The following SOX5 variants were observed in gnomAD, a reference collection of about 807,000 sequenced individuals.
The protein encoded by SOX5 is SRY-box transcription factor 5.
SOX5 carries 9 observed loss-of-function variants against 92.0 expected under a neutral mutation model. The observed-to-expected ratio is 0.10, with a 90% CI of 0.06 to 0.17. The LOEUF is 0.17. SOX5 is among the 10% of genes least tolerant of loss of function. SOX5 has a pLI of 1.00. For synonymous variants in SOX5, 344 were observed against 336.3 expected, an observed-to-expected ratio of 1.02 and a Z score of -0.25; for missense variants, 642 against 944.5, an observed-to-expected ratio of 0.68 and a Z score of 4.20.
chr12:24,322,564 T>C (rs1268657246), intron 2 of SOX5, among the ~76,000 whole-genome samples: 1 of 152,190 alleles, frequency 6.6e-6, no homozygotes, highest in Non-Finnish European at 1.5e-5. Context: ...CTAAATTTTC[T>C]TTCCTCTTGT....
Position 23,949,666 on chromosome 12 carries a change from C to T in SOX5, c.-65G>A. ...TATGATCGTCTCCAACTGAACCTGT[C>T]AAGTGAGTCCAAACCTTCTAAACCA... On this transcript the variant is annotated 5_prime_UTR_variant, in exon 1 of 15. Coordinates refer to ENST00000451604, the MANE Select transcript of SOX5 (RefSeq NM_006940.6). The T allele has an allele frequency of 6.2e-7, 1 of 1,613,144 alleles. No homozygotes were observed.
At chr12:23,570,552 C>T (rs371581975) in intron 10 of SOX5, among the ~76,000 whole-genome samples, 11 of 151,748 alleles carry the variant, frequency 7.2e-5, no homozygotes, top group African/African-American at 1.9e-4. Flanking sequence ...CTGACGTGGG[C>T]GAATCCCTTG....
At chr12:24,180,976 C>T (rs1012925158) in intron 4 of SOX5, among the ~76,000 whole-genome samples, 4 of 152,140 alleles carry the variant, frequency 2.6e-5, no homozygotes, top group African/African-American at 9.7e-5. Flanking sequence ...AAGCATCTCG[C>T]CATTAGAATG....
intron 2 of SOX5, among the ~76,000 whole-genome samples, chr12:23,872,164 ATTTTTTTTT>A (rs71059938): frequency 0.016 from 986 of 61,654 alleles, 37 homozygotes; most frequent in African/African-American, 0.054. Flanking sequence ...CGCCCGGCTA[ATTTTTTTTT>A]TTTTTTTTTT....
At chr12:24,277,465 CATTTAAATATATAAATATAT>C (rs1944579736) in intron 2 of SOX5, among the ~76,000 whole-genome samples, 1 of 57,816 alleles carries the variant, frequency 1.7e-5, no homozygotes, top group African/African-American at 3.3e-5. Context: ...TGTAAATTTA[CATTTAAATATATAAATATAT>C]ATGTAAATTT....
At chr12:24,445,713 T>G (rs1231625444) in intron 1 of SOX5, among the ~76,000 whole-genome samples, 1 of 152,062 alleles carries the variant, frequency 6.6e-6, no homozygotes, top group African/African-American at 2.4e-5. Context: ...GTAAGAAAAA[T>G]TTTGGTGCCT....
At chr12:24,155,503 A>T (rs1952074822) in intron 4 of SOX5, among the ~76,000 whole-genome samples, 1 of 152,142 alleles carries the variant, frequency 6.6e-6, no homozygotes, top group African/African-American at 2.4e-5. Flanking sequence ...TCCCACGAAA[A>T]AAACCTTTGG....
chr12:24,055,608 G>C (rs189522988), intron 4 of SOX5, among the ~76,000 whole-genome samples: 74 of 152,082 alleles, frequency 4.9e-4, no homozygotes, highest in African/African-American at 1.5e-3. Flanking sequence ...ACACCAAAAG[G>C]GTTCTTAGAA....
chr12:23,681,636 C>A (rs889141255), intron 6 of SOX5, among the ~76,000 whole-genome samples: 4 of 151,658 alleles, frequency 2.6e-5, no homozygotes, highest in African/African-American at 9.7e-5. Context: ...ACACACAAAG[C>A]ATAATTGTGG....
chr12:24,040,344 C>T lies in SOX5; in HGVS notation c.-1-144320G>A, dbSNP rs191403073. 1.9e-4 allele frequency among the ~76,000 whole-genome samples: 29 copies of T among 152,190 alleles called. 1 individual carries two copies. The East Asian group carries it at 5.4e-3, about 28-fold the overall frequency. ...TATTAAATGGTTTGTGATGAAACTG[C>T]TCCAAGTAAAAAGATCACAAATTTA... On this transcript the variant is annotated intron_variant, in intron 4 of 4. Transcript: ENST00000446891.
chr12:24,464,592 C>T (rs1944019630), intron 1 of SOX5, among the ~76,000 whole-genome samples: 1 of 152,174 alleles, frequency 6.6e-6, no homozygotes, highest in Admixed American at 6.5e-5. Context: ...CCACCCGCCT[C>T]GGCCTCCCAA....
intron 4 of SOX5, among the ~76,000 whole-genome samples, chr12:23,973,835 T>C (rs997362091): frequency 1.3e-5 from 2 of 152,126 alleles, no homozygotes; most frequent in South Asian, 2.1e-4. Context: ...GGAAACCCTA[T>C]TGGGAACTGC....
intron 4 of SOX5, among the ~76,000 whole-genome samples, chr12:23,956,375 G>C (rs1232476890): frequency 6.6e-6 from 1 of 152,096 alleles, no homozygotes; most frequent in African/African-American, 2.4e-5. Flanking sequence ...GTGAGCAGTG[G>C]GCATTATCAC....
intron 11 of SOX5, among the ~76,000 whole-genome samples, chr12:23,549,638 T>C (rs1407432428): frequency 6.6e-6 from 1 of 151,952 alleles, no homozygotes; most frequent in Non-Finnish European, 1.5e-5. Context: ...AGAGATTAAT[T>C]ACAACAAAGT....
intron 1 of SOX5, among the ~76,000 whole-genome samples, chr12:24,544,867 C>CA (rs1412227072): frequency 6.6e-6 from 1 of 152,044 alleles, no homozygotes; most frequent in Non-Finnish European, 1.5e-5. Context: ...GAAGTGGGTG[C>CA]AAAAAGAAGA....
intron 6 of SOX5, among the ~76,000 whole-genome samples, chr12:23,693,864 ATTTC>A (rs1318069040): frequency 6.6e-6 from 1 of 152,048 alleles, no homozygotes; most frequent in East Asian, 1.9e-4. Flanking sequence ...AACGTTTTTA[ATTTC>A]TTTGCTTTCC....
chr12:23,881,127 T>A (rs1447953383), intron 2 of SOX5, among the ~76,000 whole-genome samples: 1 of 152,098 alleles, frequency 6.6e-6, no homozygotes, highest in Non-Finnish European at 1.5e-5. Flanking sequence ...GATGAAGAGG[T>A]CACCACTGTT....
At chr12:23,957,705 G>T (rs12821535) in intron 4 of SOX5, among the ~76,000 whole-genome samples, 79,546 of 151,890 alleles carry the variant, frequency 0.52, 21,296 homozygotes, top group East Asian at 0.74. Flanking sequence ...TAAAATGACT[G>T]ACTGCCACAA....
intron 4 of SOX5, among the ~76,000 whole-genome samples, chr12:24,183,782 C>T (rs1055501450): frequency 4.6e-5 from 7 of 152,154 alleles, no homozygotes; most frequent in South Asian, 4.2e-4. Context: ...AGCCAAACTG[C>T]GAGGGTTTAG....
Sources: allele counts gnomAD v4.1 joint callset (sites outside exome capture counted in the v4.1 genomes callset), GRCh38; gene constraint gnomAD v4.1.1; transcripts MANE v1.5; gene names NCBI Gene and HGNC (gene_info 2026-07-23, HGNC 2026-07-21).